SMARCE1: variants seen among roughly 807,000 people sequenced by gnomAD.
SMARCE1 encodes the protein SWI/SNF related BAF chromatin remodeling complex subunit E1.
SMARCE1 carries 13 observed loss-of-function variants against 54.9 expected under a neutral mutation model. The observed-to-expected ratio is 0.24, with a 90% CI of 0.15 to 0.38. The LOEUF is 0.38. Ranked by LOEUF, SMARCE1 falls within the 10% of genes least tolerant of loss-of-function variation. The probability of loss-of-function intolerance (pLI) is 1.00; values close to 1 mark genes in which losing one functional copy is unlikely to be tolerated. For missense variants in SMARCE1, 295 were observed against 523.8 expected (o/e 0.56, Z 4.26); for synonymous variants, 151 against 175.3 (o/e 0.86, Z 1.10).
intron 6 of SMARCE1, 126 bp from the exon 7 acceptor site, chr17:40,636,228 T>C: frequency 8.4e-7 from 1 of 1,188,922 alleles, no homozygotes; most frequent in African/African-American, 1.5e-5. Flanking sequence ...TATCTCCTTT[T>C]TACAGGCAAG....
At chr17:40,629,838 T>C in intron 10 of SMARCE1, 1 of 374,656 alleles carries the variant, frequency 2.7e-6, no homozygotes, top group Non-Finnish European at 4.7e-6. Flanking sequence ...AAAAACACAT[T>C]CATACAAAAC....
chr17:40,631,611 AATG>A lies in SMARCE1; in HGVS notation c.794_796del (p.Ser265del), dbSNP rs2037096364. The A allele has an allele frequency of 6.3e-7, 1 of 1,582,452 alleles. No individual in the cohort carries two copies. Among genetic ancestry groups the A allele is most frequent in the African/African-American group, 1.3e-5 (1 of 74,282 alleles). On this transcript the variant is annotated inframe_deletion, in exon 9 of 11. Transcript: ENST00000348513. The stretch of plus-strand genomic sequence containing the variant: ...AGATACCCTTTTAAGTTCATTGTTA[AATG>A]AATCTGTGCTTTCCAGGAATTTCCT...
At chr17:40,632,105 C>G in intron 8 of SMARCE1, 90 bp downstream of exon 8, 1 of 994,182 alleles carries the variant, frequency 1.0e-6, no homozygotes, top group Non-Finnish European at 1.5e-6. Flanking sequence ...ACATATTTAA[C>G]AGGTAGATTT....
intron 9 of SMARCE1, 37 bp downstream of exon 9, chr17:40,631,555 T>C (rs764640863): frequency 2.3e-5 from 23 of 1,015,450 alleles, no homozygotes; most frequent in Middle Eastern, 2.9e-4. Context: ...GTAACAGGTA[T>C]AGTGATAAAA....
chr17:40,642,795 G>A lies in SMARCE1; in HGVS notation c.52-236C>T. 2.0e-6 allele frequency: 1 copy of A among 494,216 alleles called. No individual in the cohort carries two copies. The highest frequency in any genetic ancestry group is 3.0e-5 in the South Asian group (1 of 32,924). 30.6% of individuals were successfully genotyped at this position (494,216 alleles called of 1,614,324 possible). ...TCTCTTTCTTTTTTGCAGGGGCTGG[G>A]GGTGTTTGTGTGACTGTGAATGTGT... On this transcript the variant is annotated intron_variant, in intron 3 of 10. Coordinates refer to ENST00000348513, the MANE Select transcript of SMARCE1 (RefSeq NM_003079.5). The surrounding 1 kb of genome is among the most constrained non-coding windows in gnomAD (Gnocchi z 4.6).
In SMARCE1 at chr17:40,642,349, A is replaced by T. The variant is rs530750132; in HGVS notation, c.156+106T>A. On this transcript the variant is annotated intron_variant, in intron 4 of 10. Coordinates refer to ENST00000348513, the MANE Select transcript of SMARCE1 (RefSeq NM_003079.5). The surrounding 1 kb of genome is among the most constrained non-coding windows in gnomAD (Gnocchi z 4.6). The stretch of plus-strand genomic sequence containing the variant: ...AATACTCAAAAAGCTAGGTTAAAAA[A>T]TTTTTTTTAAATGGCTGTGCTTATG... The T allele has an allele frequency of 2.0e-4, 161 of 787,436 alleles. 1 individual carries two copies. The African/African-American group carries it at 2.1e-3, about 10-fold the overall frequency. 48.8% of individuals were successfully genotyped at this position (787,436 alleles called of 1,614,324 possible).
chr17:40,630,044 T>C, intron 10 of SMARCE1: 1 of 454,232 alleles, frequency 2.2e-6, no homozygotes, highest in Non-Finnish European at 3.9e-6. Context: ...CCTTTGGTTT[T>C]GTTTTCCATA....
intron 2 of SMARCE1, 38 bp from the exon 3 acceptor site, chr17:40,645,657 T>A: frequency 7.0e-7 from 1 of 1,436,878 alleles, no homozygotes; most frequent in Non-Finnish European, 9.5e-7. Context: ...TGTAAACAAC[T>A]GAGATATAAT....
Position 40,628,951 on chromosome 17 carries a change from C to T in SMARCE1, c.1070G>A (p.Gly357Asp), listed in dbSNP as rs2143980805. 3 of 1,613,834 alleles carry T rather than the reference C, an allele frequency of 1.9e-6. No homozygotes were observed. The highest frequency in any genetic ancestry group is 2.5e-6 in the Non-Finnish European group (3 of 1,179,822). ...LEETTESQQN[G>D]EEGTSTPEDK... Reference sequence around the variant, plus strand: ...CTCAGGAGTAGACGTGCCTTCTTCACCATTCTGTTGGCTCTCTGTTGTTTC... The same window carrying T: ...CTCAGGAGTAGACGTGCCTTCTTCATCATTCTGTTGGCTCTCTGTTGTTTC... Residue 357 changes from glycine (G) to aspartate (D), a missense_variant, in exon 11 of 11, where the codon GGT (glycine) becomes GAT (aspartate). Around this residue, in one of 5 missense-constraint regions of SMARCE1, gnomAD observed 147 missense variants for 161.4 expected, o/e 0.91. Coordinates refer to ENST00000348513, the MANE Select transcript of SMARCE1 (RefSeq NM_003079.5).
intron 3 of SMARCE1, 55 bp downstream of exon 3, chr17:40,645,521 T>G (rs2037247379): frequency 8.5e-7 from 1 of 1,171,834 alleles, no homozygotes; most frequent in Non-Finnish European, 1.2e-6. Flanking sequence ...GACATCTGGG[T>G]TTTTGTATCA....
chr17:40,635,364 C>T (rs2037136332), intron 7 of SMARCE1: 1 of 151,958 alleles, frequency 6.6e-6, no homozygotes. Flanking sequence ...ACAATCAGAA[C>T]ACCTGCTAAC....
intron 5 of SMARCE1, 64 bp downstream of exon 5, chr17:40,637,428 G>A (rs2037157579): frequency 1.6e-6 from 2 of 1,260,270 alleles, no homozygotes; most frequent in Non-Finnish European, 1.2e-6. Flanking sequence ...ATCTAAAGTT[G>A]GATGTTAAGC....
In SMARCE1 at chr17:40,625,050, G is replaced by C. The variant is rs1304560716; in HGVS notation, c.*3735C>G. On this transcript the variant is annotated 3_prime_UTR_variant, in exon 11 of 11. Coordinates refer to ENST00000348513, the MANE Select transcript of SMARCE1 (RefSeq NM_003079.5). The stretch of plus-strand genomic sequence containing the variant: ...TGTAGGTCATTCTGGCAAATAGAAA[G>C]TTCCATCATTTCACACTTAGAAAGC... 6.6e-6 allele frequency: 1 copy of C among 152,144 alleles called. No individual in the cohort carries two copies. The highest frequency in any genetic ancestry group is 1.5e-5 in the Non-Finnish European group (1 of 68,038). 9.4% of individuals were successfully genotyped at this position (152,144 alleles called of 1,614,324 possible). A position where few individuals can be genotyped will look rare whatever the true frequency, so the allele number is the denominator to read the frequency against.
At position 40,626,827 on chromosome 17, in the gene SMARCE1, T is replaced by A. The variant is rs1468672136; in HGVS notation, c.*1958A>T. 1.4e-5 allele frequency: 1 copy of A among 73,952 alleles called. No homozygotes were observed. The highest frequency in any genetic ancestry group is 2.5e-5 in the Non-Finnish European group (1 of 39,386). The allele number at this position is 73,952 out of a possible 1,614,324, so 4.6% of individuals were successfully genotyped here. On this transcript the variant is annotated 3_prime_UTR_variant, in exon 11 of 11. Transcript: ENST00000348513. The stretch of plus-strand genomic sequence containing the variant: ...AGGTGGAGGTTGCAGTGAGCTGAGA[T>A]CGCCACCACTGCACTCCAACCTGGG...
chr17:40,630,321 C>T (rs918626501), intron 10 of SMARCE1: 20 of 946,336 alleles, frequency 2.1e-5, no homozygotes, highest in East Asian at 2.6e-5. Context: ...TTTTAGACTT[C>T]GCAGGCCAGG....
chr17:40,634,996 T>C (rs1567846771), intron 7 of SMARCE1: 1 of 152,160 alleles, frequency 6.6e-6, no homozygotes, highest in Non-Finnish European at 1.5e-5. Flanking sequence ...ATGAGAACAT[T>C]TGACAATATT....
chr17:40,630,240 A>G, intron 10 of SMARCE1: 2 of 1,537,250 alleles, frequency 1.3e-6, no homozygotes, highest in South Asian at 2.4e-5. Flanking sequence ...GAAAATCAGT[A>G]TACCTAGAAG....
chr17:40,647,672 A>C (rs906679787), intron 1 of SMARCE1, 101 bp downstream of exon 1: 1 of 152,802 alleles, frequency 6.5e-6, no homozygotes, highest in Non-Finnish European at 1.5e-5. Context: ...CCCACGGCCA[A>C]GGCTGAACCC....
At chr17:40,637,398 C>T (rs1467012371) in intron 5 of SMARCE1, 94 bp downstream of exon 5, 8 of 1,026,838 alleles carry the variant, frequency 7.8e-6, no homozygotes, top group Non-Finnish European at 1.2e-5. Flanking sequence ...TGAATATGCA[C>T]AGAAAAGCTG....
Sources: gnomAD v4.1 joint callset for allele counts on GRCh38, gnomAD v4.1.1 for gene constraint, gnomAD v4.1.1 regional missense constraint, Gnocchi (gnomAD v3.1) non-coding constraint, MANE v1.5 for transcripts, NCBI Gene and HGNC (gene_info 2026-07-23, HGNC 2026-07-21) for gene names.